The following COPG2 variants were observed in gnomAD, a reference collection of about 807,000 sequenced individuals.
COPG2 encodes the protein coat protein complex I subunit gamma 2.
In COPG2, 37 loss-of-function variants were observed where a neutral mutation model predicts 46.3. That is an observed-to-expected ratio of 0.80 (90% confidence interval 0.61 to 1.05). COPG2 has a LOEUF of 1.05. COPG2 is among the 50% of genes least tolerant of loss of function. The probability of loss-of-function intolerance (pLI) is 0.00; values close to 1 mark genes in which losing one functional copy is unlikely to be tolerated. For synonymous variants in COPG2, 159 were observed against 129.7 expected (o/e 1.23, Z -1.53); for missense variants, 427 against 387.8 (o/e 1.10, Z -0.85).
At chr7:130,575,452 T>C (rs1554446084) in intron 9 of COPG2, among the ~76,000 whole-genome samples, 1 of 152,104 alleles carries the variant, frequency 6.6e-6, no homozygotes, top group Non-Finnish European at 1.5e-5. Flanking sequence ...CCAGCGAAAC[T>C]AAGCATCATA....
At chr7:130,609,373 T>C (rs1350661700) in intron 9 of COPG2, among the ~76,000 whole-genome samples, 2 of 151,540 alleles carry the variant, frequency 1.3e-5, no homozygotes, top group Admixed American at 1.3e-4. Context: ...AAAATGGGAG[T>C]TTCCCTGCAC....
chr7:130,593,826 A>G (rs1193663171), intron 9 of COPG2, among the ~76,000 whole-genome samples: 1 of 152,224 alleles, frequency 6.6e-6, no homozygotes, highest in Non-Finnish European at 1.5e-5. Flanking sequence ...TTGAAGCTAT[A>G]ATGCTTATGG....
chr7:130,595,248 A>C (rs1238687237), intron 9 of COPG2, among the ~76,000 whole-genome samples: 1 of 152,230 alleles, frequency 6.6e-6, no homozygotes, highest in Non-Finnish European at 1.5e-5. Context: ...TAAATGAAAG[A>C]AGCCAGAAAC....
In COPG2 at chr7:130,507,271, T is replaced by C; in HGVS notation, c.2485+3A>G. 1.3e-6 allele frequency: 1 copy of C among 780,676 alleles called. No individual in the cohort carries two copies. Among genetic ancestry groups the C allele is most frequent in the Admixed American group, 1.7e-5 (1 of 59,040 alleles). 48.4% of individuals were successfully genotyped at this position (780,676 alleles called of 1,614,324 possible). On this transcript the variant is annotated splice_donor_region_variant and intron_variant, in intron 23 of 23. Coordinates refer to ENST00000425248, the MANE Select transcript of COPG2 (RefSeq NM_012133.6). The stretch of plus-strand genomic sequence containing the variant: ...GAAGGAAAATCTGATGGAAGCTTCT[T>C]ACCTGCCAGATAGAGCGAATGGGAA...
intron 5 of COPG2, among the ~76,000 whole-genome samples, chr7:130,623,373 A>T (rs1795068509): frequency 6.6e-6 from 1 of 152,198 alleles, no homozygotes; most frequent in Non-Finnish European, 1.5e-5. Context: ...CAGTCTGACC[A>T]AGGTGACCAC....
At chr7:130,645,083 AAAG>A in intron 5 of COPG2, 4 of 378,058 alleles carry the variant, frequency 1.1e-5, no homozygotes, top group Admixed American at 3.9e-5. Flanking sequence ...AAAAAAAAAA[AAAG>A]AAAAGAAATG....
intron 5 of COPG2, among the ~76,000 whole-genome samples, chr7:130,651,609 C>T (rs910109153): frequency 6.4e-5 from 9 of 141,498 alleles, no homozygotes; most frequent in South Asian, 2.3e-4. Context: ...CTCCGCTTCC[C>T]GGGTTCACGC....
rs532519208 is a variant in COPG2, at chr7:130,627,235, G to T, written c.324-10170C>A. ...ACTGTGGAGTCCTAATCAGGGAAAA[G>T]AAGTCAGGCTGGCAGGACCAAGGAA... On this transcript the variant is annotated intron_variant, in intron 5 of 23. Transcript: ENST00000425248. Among the ~76,000 whole-genome samples the T allele has an allele frequency of 4.8e-4, 73 of 152,276 alleles. 1 individual carries two copies. The highest frequency in any genetic ancestry group is 1.7e-3 in the African/African-American group (69 of 41,560).
At chr7:130,553,331 C>T (rs1793562939) in intron 14 of COPG2, among the ~76,000 whole-genome samples, 1 of 151,670 alleles carries the variant, frequency 6.6e-6, no homozygotes, top group African/African-American at 2.4e-5. Context: ...GAAAGTCCCC[C>T]CCGCCTTTTC....
In COPG2 at chr7:130,574,078, A is replaced by T. The variant is rs556840152; in HGVS notation, c.738-9685T>A. On this transcript the variant is annotated intron_variant, in intron 9 of 23. Coordinates refer to ENST00000425248, the MANE Select transcript of COPG2 (RefSeq NM_012133.6). ...AGCCACATTATTCATAATAGATGAA[A>T]ATGGGAAAGAAAAACAAGTGCCCAT... Among the ~76,000 whole-genome samples the T allele has an allele frequency of 2.0e-5, 3 of 152,300 alleles. No individual in the cohort carries two copies. The South Asian group carries it at 6.2e-4, about 32-fold the overall frequency.
chr7:130,663,165 G>T (rs1796011497), intron 3 of COPG2, 127 bp from the exon 4 acceptor site: 1 of 566,670 alleles, frequency 1.8e-6, no homozygotes, highest in Non-Finnish European at 3.0e-6. Flanking sequence ...GAATCTCTTT[G>T]TAAACATTCT....
chr7:130,557,633 C>T (rs1793648520), intron 12 of COPG2, among the ~76,000 whole-genome samples: 1 of 151,616 alleles, frequency 6.6e-6, no homozygotes, highest in African/African-American at 2.4e-5. Flanking sequence ...GTGGTGAAAC[C>T]TCGTCTCCAC....
At chr7:130,543,619 G>T (rs905565224) in intron 20 of COPG2, among the ~76,000 whole-genome samples, 2 of 152,206 alleles carry the variant, frequency 1.3e-5, no homozygotes, top group Non-Finnish European at 2.9e-5. Context: ...TTTGAACACT[G>T]GAGGTGGGTC....
chr7:130,651,604 C>T (rs1028433157), intron 5 of COPG2, among the ~76,000 whole-genome samples: 70 of 147,794 alleles, frequency 4.7e-4, no homozygotes, highest in African/African-American at 1.3e-3. Context: ...GCAAGCTCCG[C>T]TTCCCGGGTT....
chr7:130,651,532 CGG>C (rs1358719931), intron 5 of COPG2, among the ~76,000 whole-genome samples: 1 of 87,382 alleles, frequency 1.1e-5, no homozygotes, highest in East Asian at 3.9e-4. Flanking sequence ...TTTTTTGAGA[CGG>C]AGTCTCGCTC....
intron 9 of COPG2, chr7:130,608,314 T>A (rs1554451580): frequency 3.0e-6 from 1 of 336,236 alleles, no homozygotes; most frequent in East Asian, 8.9e-5. Context: ...CATAATTTGC[T>A]GCTGGTTTTA....
At chr7:130,640,951 G>A (rs1795452483) in intron 5 of COPG2, among the ~76,000 whole-genome samples, 1 of 151,810 alleles carries the variant, frequency 6.6e-6, no homozygotes, top group South Asian at 2.1e-4. Flanking sequence ...TTCTCTCAAA[G>A]AATTAATAAT....
chr7:130,548,100 C>CT (rs1217316449), intron 19 of COPG2, among the ~76,000 whole-genome samples: 11 of 152,282 alleles, frequency 7.2e-5, no homozygotes, highest in Non-Finnish European at 1.5e-4. Flanking sequence ...GCTGTCAAAT[C>CT]TAAGTTCTCA....
At chr7:130,532,364 G>C (rs1401387978) in intron 20 of COPG2, among the ~76,000 whole-genome samples, 1 of 152,164 alleles carries the variant, frequency 6.6e-6, no homozygotes, top group Non-Finnish European at 1.5e-5. Flanking sequence ...GACAGCAGGG[G>C]ATCTGTTGTC....
Sources: gnomAD v4.1 joint callset for allele counts (sites outside exome capture counted in the v4.1 genomes callset) on GRCh38, gnomAD v4.1.1 for gene constraint, MANE v1.5 for transcripts, NCBI Gene and HGNC (gene_info 2026-07-23, HGNC 2026-07-21) for gene names.